TRHDE: variants seen among roughly 807,000 people sequenced by gnomAD.
The protein encoded by TRHDE is thyrotropin releasing hormone degrading enzyme.
A neutral mutation model predicts 125.7 loss-of-function variants in TRHDE; 72 were observed. That is an observed-to-expected ratio of 0.57 (90% CI 0.47 to 0.70). The LOEUF (loss-of-function observed/expected upper bound fraction) is 0.70, where lower values mean the gene tolerates loss of function less well. Ranked by LOEUF, TRHDE falls within the 30% of genes least tolerant of loss-of-function variation. The pLI is 0.00. For missense variants in TRHDE, 1,110 were observed against 1,327.1 expected, an observed-to-expected ratio of 0.84 and a Z score of 2.54; for synonymous variants, 509 against 509.1, an observed-to-expected ratio of 1.00 and a Z score of 0.00.
intron 6 of TRHDE, among the ~76,000 whole-genome samples, chr12:72,538,100 C>A (rs531513069): frequency 3.9e-5 from 6 of 152,126 alleles, no homozygotes; most frequent in Non-Finnish European, 7.4e-5. Context: ...ACTGGGTCAT[C>A]TTTTGCTTTG....
chr12:72,177,002 A>G (rs1228838658), intron 2 of TRHDE, among the ~76,000 whole-genome samples: 21 of 152,184 alleles, frequency 1.4e-4, no homozygotes, highest in Admixed American at 1.3e-3. Context: ...CCAATAGATC[A>G]TGACGACAAG....
At chr12:72,451,599 G>T (rs992498812) in intron 3 of TRHDE, among the ~76,000 whole-genome samples, 1 of 151,620 alleles carries the variant, frequency 6.6e-6, no homozygotes, top group Non-Finnish European at 1.5e-5. Context: ...TGTTGTTGTT[G>T]TTCAAAATTG....
chr12:72,486,562 C>A (rs1187482613), intron 5 of TRHDE, among the ~76,000 whole-genome samples: 1 of 152,072 alleles, frequency 6.6e-6, no homozygotes, highest in Non-Finnish European at 1.5e-5. Context: ...TAGATAACAA[C>A]TGAAGAAGCT....
rs903303124 is a variant in TRHDE, at chr12:72,644,714, C to T, written c.2676-7608C>T. Among the ~76,000 whole-genome samples the T allele has an allele frequency of 2.6e-5, 4 of 151,886 alleles. No individual in the cohort carries two copies. In the South Asian group the frequency reaches 8.3e-4, roughly 32 times the overall value. On this transcript the variant is annotated intron_variant, in intron 15 of 18. Coordinates refer to ENST00000261180, the MANE Select transcript of TRHDE (RefSeq NM_013381.3). ...GCACAGAGCAAATAGAGGGAAAATCCCAGCTCTTGGTTTCCCCATGGGGAG... is the reference window on the plus strand; with the variant it reads ...GCACAGAGCAAATAGAGGGAAAATCTCAGCTCTTGGTTTCCCCATGGGGAG...
At chr12:72,452,043 G>C (rs899085951) in intron 3 of TRHDE, among the ~76,000 whole-genome samples, 1 of 152,114 alleles carries the variant, frequency 6.6e-6, no homozygotes, top group Non-Finnish European at 1.5e-5. Flanking sequence ...CGGCCAGGCT[G>C]GTCTCAAACT....
At chr12:72,518,300 C>G (rs1404754344) in intron 6 of TRHDE, among the ~76,000 whole-genome samples, 1 of 145,380 alleles carries the variant, frequency 6.9e-6, no homozygotes, top group Non-Finnish European at 1.5e-5. Context: ...GTAGGTCACT[C>G]AGGACTTGCT....
intron 2 of TRHDE, among the ~76,000 whole-genome samples, chr12:72,322,728 G>C (rs752093083): frequency 2.0e-5 from 3 of 152,136 alleles, no homozygotes; most frequent in Non-Finnish European, 4.4e-5. Context: ...TTCAATATGT[G>C]TACAGATTTG....
At chr12:72,486,917 GC>G (rs1359422652) in intron 5 of TRHDE, among the ~76,000 whole-genome samples, 1 of 151,944 alleles carries the variant, frequency 6.6e-6, no homozygotes, top group Non-Finnish European at 1.5e-5. Context: ...AATCAGGAAA[GC>G]AATTCATTAT....
intron 1 of TRHDE, among the ~76,000 whole-genome samples, chr12:72,274,268 A>G (rs954127811): frequency 6.6e-6 from 1 of 152,194 alleles, no homozygotes; most frequent in African/African-American, 2.4e-5. Context: ...TTTGTTTATG[A>G]GTTGCTGCCT....
At chr12:72,244,007 C>T (rs1019259924) in intron 2 of TRHDE, among the ~76,000 whole-genome samples, 1 of 152,134 alleles carries the variant, frequency 6.6e-6, no homozygotes, top group African/African-American at 2.4e-5. Context: ...CCTACCCTGC[C>T]TTCCCTCAAA....
chr12:72,266,776 C>A (rs921504437), intron 2 of TRHDE, among the ~76,000 whole-genome samples: 1 of 152,006 alleles, frequency 6.6e-6, no homozygotes, highest in Admixed American at 6.6e-5. Flanking sequence ...GATGAAATGA[C>A]CTGCGTGGCT....
At chr12:72,548,907 C>T (rs963771395) in intron 7 of TRHDE, among the ~76,000 whole-genome samples, 1 of 151,768 alleles carries the variant, frequency 6.6e-6, no homozygotes, top group East Asian at 1.9e-4. Context: ...AAACTCAAAG[C>T]CTAAAATCCC....
chr12:72,253,722 A>C (rs1878741053), intron 2 of TRHDE: 1 of 152,138 alleles, frequency 6.6e-6, no homozygotes, highest in Admixed American at 6.5e-5. Flanking sequence ...TCCTATCCCT[A>C]ACTTGCTGAG....
chr12:72,153,811 T>G (rs879466921), intron 2 of TRHDE, among the ~76,000 whole-genome samples: 2 of 152,224 alleles, frequency 1.3e-5, no homozygotes, highest in Non-Finnish European at 2.9e-5. Context: ...GTGCTTTACT[T>G]CCAACTATGT....
chr12:72,249,965 C>T (rs1299507585), intron 2 of TRHDE, among the ~76,000 whole-genome samples: 1 of 152,076 alleles, frequency 6.6e-6, no homozygotes, highest in Non-Finnish European at 1.5e-5. Context: ...CAAAAGACTA[C>T]TACTCACCAA....
intron 12 of TRHDE, among the ~76,000 whole-genome samples, chr12:72,606,115 CAT>C (rs1433096195): frequency 2.6e-5 from 4 of 152,144 alleles, no homozygotes; most frequent in Admixed American, 6.5e-5. Flanking sequence ...GATTTAAACA[CAT>C]GATTCAGAAT....
intron 2 of TRHDE, among the ~76,000 whole-genome samples, chr12:72,371,583 T>G (rs552893761): frequency 4.6e-5 from 7 of 151,236 alleles, no homozygotes; most frequent in African/African-American, 1.5e-4. Flanking sequence ...GATGTTCCCC[T>G]TCCTGTGTCC....
At chr12:72,325,041 C>T (rs959387528) in intron 2 of TRHDE, among the ~76,000 whole-genome samples, 3 of 151,340 alleles carry the variant, frequency 2.0e-5, no homozygotes, top group Non-Finnish European at 4.4e-5. Flanking sequence ...TTGGGGATAC[C>T]AAAAGAAAGG....
chr12:72,474,453 G>T (rs530751374), intron 5 of TRHDE, among the ~76,000 whole-genome samples: 8 of 151,966 alleles, frequency 5.3e-5, no homozygotes, highest in African/African-American at 1.7e-4. Context: ...CAAGCCTCTG[G>T]CAACCACCAT....
Sources: allele counts gnomAD v4.1 joint callset (sites outside exome capture counted in the v4.1 genomes callset), GRCh38; gene constraint gnomAD v4.1.1; transcripts MANE v1.5; gene names NCBI Gene and HGNC (gene_info 2026-07-23, HGNC 2026-07-21).